The following IL1RAPL1 variants were observed in gnomAD, a reference collection of about 807,000 sequenced individuals.
IL1RAPL1 encodes interleukin-1 receptor accessory protein-like 1.
A neutral mutation model predicts 48.4 loss-of-function variants in IL1RAPL1; 3 were observed. The ratio of observed to expected loss-of-function variants is 0.06; its 90% CI spans 0.03 to 0.16. The LOEUF (loss-of-function observed/expected upper bound fraction) is 0.16. Ranked by LOEUF, IL1RAPL1 falls within the 10% of genes least tolerant of loss-of-function variation. The probability of loss-of-function intolerance (pLI) is 1.00; values close to 1 mark genes in which losing one functional copy is unlikely to be tolerated. For synonymous variants in IL1RAPL1, 185 were observed against 187.7 expected (o/e 0.99, Z 0.12); for missense variants, 349 against 530.6 (o/e 0.66, Z 3.36).
At chrX:28,707,500 C>T (rs1385550684) in intron 1 of IL1RAPL1, among the ~76,000 whole-genome samples, 4 of 112,125 alleles carry the variant, frequency 3.6e-5, no homozygotes, top group Non-Finnish European at 5.6e-5. Flanking sequence ...ACTCCAGAAA[C>T]ATCTCTTACA....
intron 2 of IL1RAPL1, among the ~76,000 whole-genome samples, chrX:29,053,725 A>G (rs1927149146): frequency 8.9e-6 from 1 of 111,986 alleles, no homozygotes; most frequent in Non-Finnish European, 1.9e-5. Flanking sequence ...TCTTTAATCC[A>G]TCTTGAGTTG....
At chrX:28,972,062 T>C (rs1032585859) in intron 2 of IL1RAPL1, among the ~76,000 whole-genome samples, 4 of 110,958 alleles carry the variant, frequency 3.6e-5, no homozygotes, top group Non-Finnish European at 7.5e-5. Flanking sequence ...CTTTTATGCC[T>C]ACTGCCGGAA....
intron 8 of IL1RAPL1, among the ~76,000 whole-genome samples, chrX:29,940,555 G>A (rs931145220): frequency 8.9e-6 from 1 of 111,948 alleles, no homozygotes; most frequent in African/African-American, 3.2e-5. Flanking sequence ...CAACTGCAGG[G>A]AACAATGGCT....
intron 5 of IL1RAPL1, among the ~76,000 whole-genome samples, chrX:29,411,590 T>G (rs1934143987): frequency 9.0e-6 from 1 of 111,621 alleles, no homozygotes; most frequent in African/African-American, 3.3e-5. Flanking sequence ...TGCTTGCCTC[T>G]TAGAAATGAT....
chrX:28,798,547 G>T (rs1936639841), intron 2 of IL1RAPL1, among the ~76,000 whole-genome samples: 1 of 111,572 alleles, frequency 9.0e-6, no homozygotes, highest in Non-Finnish European at 1.9e-5. Context: ...AATTGGAAAC[G>T]TACCTTTTGC....
At chrX:29,490,943 G>A (rs2147753616) in intron 5 of IL1RAPL1, among the ~76,000 whole-genome samples, 1 of 109,502 alleles carries the variant, frequency 9.1e-6, no homozygotes, top group East Asian at 2.8e-4. Context: ...TGCACTTAAT[G>A]TAATTGTCAG....
intron 5 of IL1RAPL1, among the ~76,000 whole-genome samples, chrX:29,564,425 G>C (rs1156960829): frequency 8.9e-6 from 1 of 112,944 alleles, no homozygotes; most frequent in East Asian, 2.8e-4. Flanking sequence ...GATGTGGCAG[G>C]ATTCAGAATC....
chrX:29,748,486 T>A (rs1028256492), intron 6 of IL1RAPL1, among the ~76,000 whole-genome samples: 3 of 112,826 alleles, frequency 2.7e-5, no homozygotes, highest in Non-Finnish European at 5.6e-5. Flanking sequence ...GTAATTACTG[T>A]GGGTCACATT....
At chrX:29,630,415 G>C (rs1187085284) in intron 5 of IL1RAPL1, among the ~76,000 whole-genome samples, 4 of 111,811 alleles carry the variant, frequency 3.6e-5, no homozygotes, top group African/African-American at 1.3e-4. Flanking sequence ...TAGTGGGAAG[G>C]ACTTCGTTGC....
At chrX:29,575,572 C>T (rs368203527) in intron 5 of IL1RAPL1, among the ~76,000 whole-genome samples, 9 of 111,924 alleles carry the variant, frequency 8.0e-5, no homozygotes, top group African/African-American at 2.9e-4. Flanking sequence ...TGGTGCCCAC[C>T]CACATTGAGG....
chrX:29,803,583 A>T (rs1161124580), intron 6 of IL1RAPL1, among the ~76,000 whole-genome samples: 1 of 101,929 alleles, frequency 9.8e-6, no homozygotes, highest in Non-Finnish European at 2.0e-5. Context: ...ACATATATGT[A>T]TCCATATATG....
Position 29,616,324 on chromosome X carries a change from CTTT to C in IL1RAPL1, c.704-52096_704-52094del, listed in dbSNP as rs57186880. On this transcript the variant is annotated intron_variant, in intron 5 of 10. Coordinates refer to ENST00000378993, the MANE Select transcript of IL1RAPL1 (RefSeq NM_014271.4). ...ACAACTGGATGATCCAGGAGGGATTCTTTTTTTTTTTTATTATATTATACTTTA... is the reference window on the plus strand; with the variant it reads ...ACAACTGGATGATCCAGGAGGGATTCTTTTTTTTTATTATATTATACTTTA... 4.2e-3 allele frequency among the ~76,000 whole-genome samples: 428 copies of C among 102,412 alleles called. 2 individuals are homozygous for C. The highest frequency in any genetic ancestry group is 0.029 in the East Asian group (93 of 3,244). The allele number at this position is 102,412 out of a possible 115,157, so 88.9% of individuals were successfully genotyped here.
chrX:28,850,240 T>A (rs1363040948), intron 2 of IL1RAPL1, among the ~76,000 whole-genome samples: 2 of 111,756 alleles, frequency 1.8e-5, no homozygotes, highest in East Asian at 5.6e-4. Flanking sequence ...AAAAGCATAG[T>A]GACTGGCTGA....
intron 2 of IL1RAPL1, among the ~76,000 whole-genome samples, chrX:28,822,037 G>T (rs1263143265): frequency 1.0e-4 from 11 of 110,340 alleles, no homozygotes. Flanking sequence ...CATCCACTTA[G>T]TTTGTTTTGG....
chrX:29,074,169 A>G (rs1927622842), intron 2 of IL1RAPL1, among the ~76,000 whole-genome samples: 1 of 111,973 alleles, frequency 8.9e-6, no homozygotes, highest in Non-Finnish European at 1.9e-5. Context: ...GAGGGAATGC[A>G]GGGGCTAAAT....
chrX:29,833,116 A>G (rs1254097464), intron 6 of IL1RAPL1, among the ~76,000 whole-genome samples: 1 of 111,910 alleles, frequency 8.9e-6, no homozygotes. Context: ...AACAAGCACT[A>G]TAAGCATTAT....
intron 6 of IL1RAPL1, among the ~76,000 whole-genome samples, chrX:29,741,288 A>G (rs1021294962): frequency 2.7e-5 from 3 of 111,999 alleles, no homozygotes; most frequent in Non-Finnish European, 5.6e-5. Context: ...TATTTGAGTC[A>G]ACAATCATTT....
At chrX:29,828,489 G>T (rs182736858) in intron 6 of IL1RAPL1, among the ~76,000 whole-genome samples, 13 of 111,775 alleles carry the variant, frequency 1.2e-4, no homozygotes, top group Non-Finnish European at 2.4e-4. Context: ...TAATGGAACA[G>T]ACAGAACTTG....
intron 1 of IL1RAPL1, among the ~76,000 whole-genome samples, chrX:28,683,071 C>T (rs569403605): frequency 1.8e-5 from 2 of 111,907 alleles, no homozygotes; most frequent in South Asian, 3.8e-4. Context: ...ATGATGAGAA[C>T]ATTTTTACAT....
Sources: gnomAD v4.1 joint callset for allele counts (sites outside exome capture counted in the v4.1 genomes callset) on GRCh38, gnomAD v4.1.1 for gene constraint, MANE v1.5 for transcripts, NCBI Gene and HGNC (gene_info 2026-07-23, HGNC 2026-07-21) for gene names.